Variants in MAPRE2 observed in about 807,000 individuals in gnomAD.
MAPRE2 encodes the protein microtubule-associated protein RP/EB family member 2.
MAPRE2 carries 13 observed loss-of-function variants against 43.2 expected under a neutral mutation model. The observed-to-expected ratio is 0.30, with a 90% CI of 0.20 to 0.48. The LOEUF is 0.48. Among genes scored for constraint, MAPRE2 ranks in the 20% least tolerant of loss-of-function variants. The probability of loss-of-function intolerance (pLI) is 0.99; values close to 1 mark genes in which losing one functional copy is unlikely to be tolerated. For missense variants in MAPRE2, 161 were observed against 400.2 expected (o/e 0.40, Z 5.10); for synonymous variants, 135 against 148.8 (o/e 0.91, Z 0.68).
At chr18:35,054,662 C>T (rs769050066) in intron 1 of MAPRE2, among the ~76,000 whole-genome samples, 6 of 152,090 alleles carry the variant, frequency 3.9e-5, no homozygotes, top group Non-Finnish European at 5.9e-5. Context: ...CCTTAGTTTA[C>T]GATGGCCAAG....
At chr18:35,133,595 G>A (rs547770274) in intron 6 of MAPRE2, among the ~76,000 whole-genome samples, 299 of 152,228 alleles carry the variant, frequency 2.0e-3, no homozygotes, top group African/African-American at 6.9e-3. Flanking sequence ...TGCTGTCTGC[G>A]ATAACGCCTG....
chr18:35,034,918 T>C (rs1292406164), intron 2 of MAPRE2, among the ~76,000 whole-genome samples: 1 of 151,972 alleles, frequency 6.6e-6, no homozygotes, highest in African/African-American at 2.4e-5. Context: ...TTGGTGGGAC[T>C]GTAAACTAGT....
chr18:35,032,683 T>G (rs558197691), intron 2 of MAPRE2, among the ~76,000 whole-genome samples: 1 of 152,278 alleles, frequency 6.6e-6, no homozygotes, highest in African/African-American at 2.4e-5. Context: ...GGTTTTTTTT[T>G]GTTTTGTTTT....
At chr18:34,982,092 C>T (rs2097016731) in intron 1 of MAPRE2, among the ~76,000 whole-genome samples, 1 of 151,862 alleles carries the variant, frequency 6.6e-6, no homozygotes, top group African/African-American at 2.4e-5. Flanking sequence ...AACGTGTTAG[C>T]CAGGATGATC....
At chr18:35,024,534 G>C (rs1041602043) in intron 2 of MAPRE2, among the ~76,000 whole-genome samples, 1 of 151,948 alleles carries the variant, frequency 6.6e-6, no homozygotes, top group Non-Finnish European at 1.5e-5. Context: ...CTTTTATTCA[G>C]TAAATGAAGA....
intron 4 of MAPRE2, among the ~76,000 whole-genome samples, chr18:35,124,969 ACGT>A (rs1185612680): frequency 6.6e-6 from 1 of 152,122 alleles, no homozygotes; most frequent in Non-Finnish European, 1.5e-5. Context: ...ACAAAGCAAA[ACGT>A]CAGCTCTCTG....
chr18:35,099,537 C>A (rs1466927246), intron 3 of MAPRE2, among the ~76,000 whole-genome samples: 1 of 152,092 alleles, frequency 6.6e-6, no homozygotes, highest in Non-Finnish European at 1.5e-5. Flanking sequence ...ATCTCTTAAG[C>A]CTAGGAGTTA....
At chr18:35,114,210 C>T (rs1909307916) in intron 4 of MAPRE2, among the ~76,000 whole-genome samples, 1 of 152,138 alleles carries the variant, frequency 6.6e-6, no homozygotes, top group Admixed American at 6.5e-5. Context: ...CTCCTCTTAC[C>T]TCCTCCCCAC....
chr18:35,006,676 G>A (rs574636973), intron 2 of MAPRE2, among the ~76,000 whole-genome samples: 1 of 152,326 alleles, frequency 6.6e-6, no homozygotes, highest in Non-Finnish European at 1.5e-5. Context: ...AAGAATAGAT[G>A]TTTTCTCCTG....
chr18:35,135,984 T>A (rs1910374939), intron 6 of MAPRE2, among the ~76,000 whole-genome samples: 1 of 152,198 alleles, frequency 6.6e-6, no homozygotes, highest in Non-Finnish European at 1.5e-5. Flanking sequence ...GCTGGGGAGA[T>A]CTCTTCCCCT....
intron 2 of MAPRE2, among the ~76,000 whole-genome samples, chr18:35,036,157 T>C (rs908929639): frequency 5.9e-5 from 9 of 151,908 alleles, no homozygotes; most frequent in Non-Finnish European, 1.2e-4. Context: ...AGCCATACAC[T>C]TGGGATTCAT....
chr18:34,998,375 G>A (rs1330300856), intron 1 of MAPRE2, among the ~76,000 whole-genome samples: 1 of 143,468 alleles, frequency 7.0e-6, no homozygotes, highest in Non-Finnish European at 1.5e-5. Flanking sequence ...TGCCCAGGCT[G>A]GAGTGCAGTG....
intron 1 of MAPRE2, among the ~76,000 whole-genome samples, chr18:35,059,805 T>G (rs1203705430): frequency 6.6e-6 from 1 of 152,184 alleles, no homozygotes; most frequent in Non-Finnish European, 1.5e-5. Context: ...CATGAGGTCT[T>G]GAGCCCCAGT....
intron 2 of MAPRE2, among the ~76,000 whole-genome samples, chr18:35,078,586 G>T (rs996888604): frequency 2.0e-5 from 3 of 152,104 alleles, no homozygotes; most frequent in Non-Finnish European, 4.4e-5. Context: ...GAGAATTGAG[G>T]TGTCCTTGGA....
intron 1 of MAPRE2, among the ~76,000 whole-genome samples, chr18:34,981,293 G>A (rs1299054805): frequency 6.6e-6 from 1 of 151,670 alleles, no homozygotes; most frequent in Non-Finnish European, 1.5e-5. Flanking sequence ...AGGATCGCTT[G>A]AATCTGGGGA....
At chr18:35,122,495 T>C (rs1909724561) in intron 4 of MAPRE2, among the ~76,000 whole-genome samples, 1 of 152,236 alleles carries the variant, frequency 6.6e-6, no homozygotes, top group South Asian at 2.1e-4. Flanking sequence ...TCAGTTTTTC[T>C]CCGAACAATA....
intron 1 of MAPRE2, among the ~76,000 whole-genome samples, chr18:34,985,714 CATATAATATGTAATATATAAATATATATT>C (rs2097020569): frequency 1.2e-5 from 1 of 82,744 alleles, no homozygotes; most frequent in African/African-American, 3.8e-5. Flanking sequence ...AAATATATAT[CATATAATATGTAATATATAAATATATATT>C]ATATATGTAA....
chr18:34,982,121 A>G (rs777306556), intron 1 of MAPRE2, among the ~76,000 whole-genome samples: 2 of 151,912 alleles, frequency 1.3e-5, no homozygotes, highest in East Asian at 1.9e-4. Flanking sequence ...CTGACCTCGT[A>G]ATCCGCCCAC....
intron 4 of MAPRE2, among the ~76,000 whole-genome samples, chr18:35,115,632 C>A (rs1909379060): frequency 6.6e-6 from 1 of 152,064 alleles, no homozygotes; most frequent in South Asian, 2.1e-4. Flanking sequence ...TTTGATTTTT[C>A]ATTCCTGAGT....
Sources: allele counts gnomAD v4.1 joint callset (sites outside exome capture counted in the v4.1 genomes callset), GRCh38; gene constraint gnomAD v4.1.1; transcripts MANE v1.5; gene names NCBI Gene and HGNC (gene_info 2026-07-23, HGNC 2026-07-21).